The following BRWD3 variants were observed in gnomAD, a reference collection of about 807,000 sequenced individuals.
The protein encoded by BRWD3 is bromodomain and WD repeat domain containing 3.
Under a neutral mutation model 149.7 loss-of-function variants are expected in BRWD3, and 10 were observed. The ratio of observed to expected loss-of-function variants is 0.07; its 90% CI spans 0.04 to 0.11. The LOEUF is 0.11. BRWD3 is among the 10% of genes least tolerant of loss of function. BRWD3 has a pLI of 1.00. For synonymous variants in BRWD3, 504 were observed against 456.7 expected, an observed-to-expected ratio of 1.10 and a Z score of -1.32; for missense variants, 940 against 1,373.2, an observed-to-expected ratio of 0.68 and a Z score of 4.99.
At chrX:80,723,213 C>T (rs767941770) in intron 16 of BRWD3, among the ~76,000 whole-genome samples, 1 of 111,105 alleles carries the variant, frequency 9.0e-6, no homozygotes, top group East Asian at 2.8e-4. Context: ...GCACTCAAAC[C>T]TGATATTAAT....
intron 6 of BRWD3, among the ~76,000 whole-genome samples, chrX:80,757,711 T>C (rs1168672872): frequency 8.9e-6 from 1 of 112,298 alleles, no homozygotes; most frequent in Non-Finnish European, 1.9e-5. Context: ...ACTAACTCAA[T>C]GATAGACCGT....
chrX:80,743,957 T>C (rs2073556207), intron 8 of BRWD3, 75 bp downstream of exon 8: 2 of 891,809 alleles, frequency 2.2e-6, no homozygotes, highest in African/African-American at 4.0e-5. Flanking sequence ...CTATTATCTA[T>C]ACAATGTAAC....
chrX:80,703,827 T>C (rs958735386), intron 23 of BRWD3, among the ~76,000 whole-genome samples: 4 of 111,771 alleles, frequency 3.6e-5, no homozygotes, highest in Non-Finnish European at 3.8e-5. Flanking sequence ...CACTATAGAC[T>C]ACCTGAAAAC....
rs1319908663 is a variant in BRWD3, at chrX:80,720,585, TAA to T, written c.1877-931_1877-930del. 3.6e-5 allele frequency among the ~76,000 whole-genome samples: 4 copies of T among 111,345 alleles called. No individual in the cohort carries two copies. In the South Asian group the frequency reaches 1.5e-3, roughly 42 times the overall value. On this transcript the variant is annotated intron_variant, in intron 17 of 40. Transcript: ENST00000373275. ...CAAACAAACAAAAAACCAAAAAACC[TAA>T]AAAGTGTTTCCAGTAAGCTAAGGTT...
intron 40 of BRWD3, among the ~76,000 whole-genome samples, chrX:80,680,949 T>C (rs2072437018): frequency 9.4e-6 from 1 of 106,174 alleles, no homozygotes; most frequent in African/African-American, 3.4e-5. Flanking sequence ...GTATGAGTTG[T>C]ATGCCACCAC....
intron 10 of BRWD3, 34 bp from the exon 11 acceptor site, chrX:80,734,252 C>A: frequency 1.0e-6 from 1 of 964,241 alleles, no homozygotes; most frequent in East Asian, 3.1e-5. Context: ...AAACATAGTA[C>A]CAAGGAACCT....
intron 24 of BRWD3, among the ~76,000 whole-genome samples, chrX:80,701,903 T>C (rs1160543438): frequency 9.0e-6 from 1 of 111,021 alleles, no homozygotes; most frequent in East Asian, 2.8e-4. Context: ...CATGTAGATA[T>C]ATAACTATAA....
intron 32 of BRWD3, 54 bp from the exon 33 acceptor site, chrX:80,689,900 AT>A (rs1340075330): frequency 2.0e-5 from 23 of 1,164,218 alleles, no homozygotes; most frequent in Non-Finnish European, 2.4e-5. Flanking sequence ...TTTTCAATTA[AT>A]TTTTTTAAAA....
chrX:80,782,309 G>C (rs1429335880), intron 6 of BRWD3, among the ~76,000 whole-genome samples: 3 of 111,584 alleles, frequency 2.7e-5, no homozygotes, highest in Non-Finnish European at 5.6e-5. Context: ...CCCATATGCA[G>C]AAGAATGAAA....
chrX:80,744,936 T>C (rs2073569504), intron 7 of BRWD3, among the ~76,000 whole-genome samples: 1 of 111,764 alleles, frequency 8.9e-6, no homozygotes, highest in Admixed American at 9.5e-5. Context: ...AACTTCCACT[T>C]CATTCGTTGT....
chrX:80,704,630 C>CA (rs748579945), intron 23 of BRWD3, 48 bp downstream of exon 23: 32 of 1,134,911 alleles, frequency 2.8e-5, no homozygotes, highest in African/African-American at 9.0e-5. Flanking sequence ...TTATCAAAGG[C>CA]AAAAAACAAA....
chrX:80,750,920 A>G (rs775021785), intron 6 of BRWD3, among the ~76,000 whole-genome samples: 1 of 110,939 alleles, frequency 9.0e-6, no homozygotes, highest in East Asian at 2.8e-4. Flanking sequence ...CTTATAAAGG[A>G]AAGAAATTGG....
chrX:80,770,945 C>G (rs2073937092), intron 6 of BRWD3, among the ~76,000 whole-genome samples: 2 of 111,525 alleles, frequency 1.8e-5, no homozygotes, highest in Middle Eastern at 9.3e-3. Flanking sequence ...ACAAGCATCC[C>G]TATACACCAA....
At chrX:80,796,365 G>A (rs1206758544) in intron 4 of BRWD3, among the ~76,000 whole-genome samples, 2 of 110,917 alleles carry the variant, frequency 1.8e-5, no homozygotes, top group Non-Finnish European at 3.8e-5. Context: ...TCCTGACCTC[G>A]TGATCCACCC....
intron 4 of BRWD3, among the ~76,000 whole-genome samples, chrX:80,796,188 T>C (rs1186737198): frequency 9.2e-6 from 1 of 108,839 alleles, no homozygotes; most frequent in Non-Finnish European, 1.9e-5. Context: ...TATAATGCAG[T>C]GGTGCGATCT....
chrX:80,751,508 C>T (rs745482341), intron 6 of BRWD3, among the ~76,000 whole-genome samples: 1 of 111,969 alleles, frequency 8.9e-6, no homozygotes, highest in East Asian at 2.8e-4. Flanking sequence ...ATTTGAGTTC[C>T]TTAATGGCCA....
At position 80,759,772 on chromosome X, in the gene BRWD3, G is replaced by A. The variant is rs369226496; in HGVS notation, c.431-14043C>T. Among the ~76,000 whole-genome samples, 7 of 111,549 alleles carry A rather than the reference G, an allele frequency of 6.3e-5. No homozygotes were observed. The East Asian group carries it at 2.0e-3, about 31-fold the overall frequency. ...TGGCTCAACATGATAGCTATAATTGGAGTGTGGAGGGGAAGGGCAGTGTCG... is the reference window on the plus strand; with the variant it reads ...TGGCTCAACATGATAGCTATAATTGAAGTGTGGAGGGGAAGGGCAGTGTCG... On this transcript the variant is annotated intron_variant, in intron 6 of 40. Transcript: ENST00000373275.
intron 6 of BRWD3, among the ~76,000 whole-genome samples, chrX:80,753,272 GTTT>G (rs200981902): frequency 2.2e-5 from 2 of 90,521 alleles, no homozygotes; most frequent in Non-Finnish European, 4.4e-5. Context: ...GTGCTTTTCA[GTTT>G]TTTTTTTTTT....
Position 80,707,452 on chromosome X carries a change from C to T in BRWD3, c.2527G>A (p.Glu843Lys). ...SDASVEDPVV[E>K]WQSESSSSDS... Reference sequence around the variant, plus strand: ...CTGGAAGAACTTTCACTTTGCCATTCAACAACAGGATCCTCTACCGAAGCG... The same window carrying T: ...CTGGAAGAACTTTCACTTTGCCATTTAACAACAGGATCCTCTACCGAAGCG... The change falls in exon 22 of 41, where the codon GAA (glutamate) becomes AAA (lysine). Residue 843 changes from glutamate to lysine, a missense_variant. Glu to Lys is a moderately conservative substitution (Grantham distance 56). Around this residue, in one of 6 missense-constraint regions of BRWD3, gnomAD observed 158 missense variants for 284.0 expected, o/e 0.56. Coordinates refer to ENST00000373275, the MANE Select transcript of BRWD3 (RefSeq NM_153252.5). 8 of 1,211,450 alleles carry T rather than the reference C, an allele frequency of 6.6e-6. No individual in the cohort carries two copies. Among genetic ancestry groups the T allele is most frequent in the Non-Finnish European group, 8.9e-6 (8 of 895,054 alleles).
Sources: gnomAD v4.1 joint callset for allele counts (sites outside exome capture counted in the v4.1 genomes callset) on GRCh38, gnomAD v4.1.1 for gene constraint, gnomAD v4.1.1 regional missense constraint, MANE v1.5 for transcripts, NCBI Gene and HGNC (gene_info 2026-07-23, HGNC 2026-07-21) for gene names.